The following GRIP1 variants were observed in gnomAD, a reference collection of about 807,000 sequenced individuals.
GRIP1 encodes glutamate receptor-interacting protein 1.
In GRIP1, 45 loss-of-function variants were observed where a neutral mutation model predicts 129.9. That is an observed-to-expected ratio of 0.35 (90% CI 0.27 to 0.44). The LOEUF (loss-of-function observed/expected upper bound fraction) is 0.44. GRIP1 is among the 20% of genes least tolerant of loss of function. The pLI, the probability that GRIP1 is intolerant of heterozygous loss-of-function variation, is 1.00. For missense variants in GRIP1, 1,196 were observed against 1,396.8 expected, an observed-to-expected ratio of 0.86 and a Z score of 2.29; for synonymous variants, 530 against 520.8, an observed-to-expected ratio of 1.02 and a Z score of -0.24.
chr12:66,432,912 A>G (rs1050424054), intron 13 of GRIP1, among the ~76,000 whole-genome samples: 19 of 152,232 alleles, frequency 1.2e-4, no homozygotes, highest in African/African-American at 4.6e-4. Context: ...AATGGGAGTT[A>G]CAAATAATGA....
At chr12:66,850,990 C>A (rs2039901544) in intron 1 of GRIP1, among the ~76,000 whole-genome samples, 1 of 148,818 alleles carries the variant, frequency 6.7e-6, no homozygotes, top group Admixed American at 6.8e-5. Flanking sequence ...TATCTGGGAT[C>A]TTTTATTGAT....
chr12:66,354,723 G>A (rs2054396735), intron 23 of GRIP1, among the ~76,000 whole-genome samples: 1 of 152,094 alleles, frequency 6.6e-6, no homozygotes, highest in Admixed American at 6.5e-5. Context: ...GCTATGCAGG[G>A]CAAAATGTGA....
chr12:66,459,277 G>T (rs1340575623), intron 9 of GRIP1, among the ~76,000 whole-genome samples: 1 of 152,206 alleles, frequency 6.6e-6, no homozygotes, highest in East Asian at 1.9e-4. Flanking sequence ...TATTGCAGGA[G>T]ATGTCCCTAA....
intron 1 of GRIP1, among the ~76,000 whole-genome samples, chr12:66,656,938 A>T (rs1392718287): frequency 6.6e-6 from 1 of 152,094 alleles, no homozygotes; most frequent in Non-Finnish European, 1.5e-5. Context: ...TAACCTGGAA[A>T]CCTTGCTAAT....
At chr12:66,386,092 T>C (rs1461099740) in intron 19 of GRIP1, among the ~76,000 whole-genome samples, 2 of 152,188 alleles carry the variant, frequency 1.3e-5, no homozygotes, top group Non-Finnish European at 2.9e-5. Context: ...TCATAAAAAA[T>C]AGGTCTTTAT....
At chr12:66,378,986 G>A (rs10784525) in intron 20 of GRIP1, among the ~76,000 whole-genome samples, 63,810 of 151,878 alleles carry the variant, frequency 0.42, 13,829 homozygotes, top group East Asian at 0.55. Context: ...AAATAAAGGA[G>A]GGGGACCTAC....
intron 14 of GRIP1, among the ~76,000 whole-genome samples, chr12:66,421,481 T>C (rs942745170): frequency 1.3e-5 from 2 of 152,064 alleles, no homozygotes; most frequent in Non-Finnish European, 2.9e-5. Context: ...GAGGCAGAGG[T>C]TGCAGTGATC....
At chr12:66,894,625 G>T (rs1007650744) in intron 1 of GRIP1, among the ~76,000 whole-genome samples, 9 of 152,106 alleles carry the variant, frequency 5.9e-5, no homozygotes, top group African/African-American at 2.4e-5. Context: ...TGCCTTCCAA[G>T]GTCCTCATAT....
intron 11 of GRIP1, among the ~76,000 whole-genome samples, chr12:66,453,066 G>A (rs1794779359): frequency 6.6e-6 from 1 of 152,166 alleles, no homozygotes; most frequent in Admixed American, 6.5e-5. Context: ...AACTAGAAAT[G>A]TATTGAAATA....
At chr12:67,019,022 T>G (rs1274848606) in intron 1 of GRIP1, among the ~76,000 whole-genome samples, 3 of 152,092 alleles carry the variant, frequency 2.0e-5, no homozygotes, top group Non-Finnish European at 4.4e-5. Context: ...ATTCACATTA[T>G]TAAATGGGGC....
rs114453837 is a variant in GRIP1, at chr12:66,382,093, G to A, written c.2465-2657C>T. Among the ~76,000 whole-genome samples the A allele has an allele frequency of 4.4e-3, 672 of 152,270 alleles. 4 individuals are homozygous for A. The highest frequency in any genetic ancestry group is 0.014 in the African/African-American group (581 of 41,562). ...ACAAATCCCAAACCCCTCAAAATTAGCTGGGCATGGTGGCGCATGCCAGCT... is the reference window on the plus strand; with the variant it reads ...ACAAATCCCAAACCCCTCAAAATTAACTGGGCATGGTGGCGCATGCCAGCT... On this transcript the variant is annotated intron_variant, in intron 19 of 24. Transcript: ENST00000359742.
At chr12:66,419,662 G>A (rs562688058) in intron 15 of GRIP1, among the ~76,000 whole-genome samples, 1 of 152,340 alleles carries the variant, frequency 6.6e-6, no homozygotes, top group South Asian at 2.1e-4. Flanking sequence ...TGGATTGCCT[G>A]CCTATCTCCC....
At chr12:66,433,497 C>T (rs1389674327) in intron 13 of GRIP1, among the ~76,000 whole-genome samples, 1 of 152,122 alleles carries the variant, frequency 6.6e-6, no homozygotes, top group Non-Finnish European at 1.5e-5. Context: ...AAGCTAATAT[C>T]AAGGCAACAG....
intron 9 of GRIP1, 91 bp from the exon 10 acceptor site, chr12:66,456,433 TA>T: frequency 1.7e-6 from 1 of 595,328 alleles, no homozygotes; most frequent in South Asian, 1.9e-5. Flanking sequence ...TTGCCCAAAT[TA>T]AAAGTATAAC....
chr12:66,861,406 C>G (rs1389943937), intron 1 of GRIP1, among the ~76,000 whole-genome samples: 1 of 152,110 alleles, frequency 6.6e-6, no homozygotes, highest in Non-Finnish European at 1.5e-5. Context: ...AATAATAAAA[C>G]ATTTCCTGCA....
upstream of GRIP1, among the ~76,000 whole-genome samples, chr12:66,679,583 G>A (rs61926129): frequency 0.024 from 3,636 of 152,098 alleles, 94 homozygotes; most frequent in Admixed American, 0.045. Flanking sequence ...GAACCTATGA[G>A]AGTTAAGGCA....
At chr12:66,709,156 A>G (rs2035632116) in intron 1 of GRIP1, among the ~76,000 whole-genome samples, 2 of 151,986 alleles carry the variant, frequency 1.3e-5, no homozygotes. Context: ...TTATCCAAGT[A>G]GTCGTTCAGC....
At chr12:66,379,558 A>G (rs1470721114) in intron 19 of GRIP1, 122 bp from the exon 20 acceptor site, 7 of 972,120 alleles carry the variant, frequency 7.2e-6, no homozygotes, top group Non-Finnish European at 1.0e-5. Context: ...TAGTGAACAC[A>G]TAGTGTGTGC....
At chr12:67,032,249 T>C (rs1020018225) in intron 1 of GRIP1, among the ~76,000 whole-genome samples, 7 of 152,230 alleles carry the variant, frequency 4.6e-5, no homozygotes, top group Non-Finnish European at 1.0e-4. Context: ...ATGAACAGAA[T>C]TCAATATTTG....
Sources: gnomAD v4.1 joint callset for allele counts (sites outside exome capture counted in the v4.1 genomes callset) on GRCh38, gnomAD v4.1.1 for gene constraint, MANE v1.5 for transcripts, NCBI Gene and HGNC (gene_info 2026-07-23, HGNC 2026-07-21) for gene names.